The following PINLYP variants were observed in gnomAD, a reference collection of about 807,000 sequenced individuals.
The protein encoded by PINLYP is phospholipase A2 inhibitor and Ly6/PLAUR domain-containing protein.
Under a neutral mutation model 15.8 loss-of-function variants are expected in PINLYP, and 12 were observed. The observed-to-expected ratio is 0.76, with a 90% confidence interval of 0.49 to 1.23. The LOEUF (loss-of-function observed/expected upper bound fraction) is 1.23, where lower values mean the gene tolerates loss of function less well. Ranked by LOEUF, PINLYP falls within the 50% of genes most tolerant of loss-of-function variation. The probability of loss-of-function intolerance (pLI) is 0.00; values close to 1 mark genes in which losing one functional copy is unlikely to be tolerated. For synonymous variants in PINLYP, 93 were observed against 97.7 expected, an observed-to-expected ratio of 0.95 and a Z score of 0.28; for missense variants, 278 against 264.2, an observed-to-expected ratio of 1.05 and a Z score of -0.36.
chr19:43,581,544 A>C lies in PINLYP; in HGVS notation c.341-19A>C. On this transcript the variant is annotated intron_variant, in intron 4 of 5. Coordinates refer to ENST00000599207, the Ensembl canonical transcript of PINLYP. ...GCTTAAACATCCCTATTCACCTTACACTTCATCCTCATCCTCAGTTCCCTT... is the reference window on the plus strand; with the variant it reads ...GCTTAAACATCCCTATTCACCTTACCCTTCATCCTCATCCTCAGTTCCCTT... The C allele has an allele frequency of 2.0e-6, 3 of 1,531,394 alleles. No homozygotes were observed. Among genetic ancestry groups the C allele is most frequent in the Non-Finnish European group, 2.6e-6 (3 of 1,144,354 alleles). 94.9% of individuals were successfully genotyped at this position (1,531,394 alleles called of 1,614,324 possible). A position where few individuals can be genotyped will look rare whatever the true frequency, so the allele number is the denominator to read the frequency against.
intron 3 of PINLYP, chr19:43,580,741 C>T: frequency 1.1e-6 from 1 of 946,936 alleles, no homozygotes; most frequent in Non-Finnish European, 1.3e-6. Context: ...GGAGGGCTAC[C>T]TAAGAAAGCA....
At chr19:43,579,436 G>A (rs1011670265) in intron 3 of PINLYP, among the ~76,000 whole-genome samples, 4 of 151,342 alleles carry the variant, frequency 2.6e-5, no homozygotes, top group African/African-American at 7.3e-5. Context: ...TAGTAGAGAC[G>A]GGGTTTCGCC....
At chr19:43,578,702 T>A (rs1466118549) in exon 3 of PINLYP, 13 of 1,535,172 alleles carry the variant, frequency 8.5e-6, no homozygotes, top group Non-Finnish European at 1.1e-5. Flanking sequence ...GGAAGGCTAC[T>A]TCAAGTAAGA....
In PINLYP at chr19:43,581,673, TGC is replaced by T; in HGVS notation, c.453_454del (p.Val152LeufsTer33). ...CCACTGTACTGGAAAGGAAAACCAC[TGC>T]GTCTCCTTATCTGGACACGTGCAGG... is the stretch of plus-strand genomic sequence containing the variant. On this transcript the variant is annotated frameshift_variant, in exon 5 of 6. Coordinates refer to ENST00000599207, the Ensembl canonical transcript of PINLYP. LOFTEE classifies it low-confidence loss of function (END_TRUNC). 2 of 1,536,410 alleles carry T rather than the reference TGC, an allele frequency of 1.3e-6. No individual in the cohort carries two copies. Among genetic ancestry groups the T allele is most frequent in the Non-Finnish European group, 1.7e-6 (2 of 1,146,970 alleles).
intron 2 of PINLYP, 82 bp downstream of exon 2, chr19:43,577,343 G>C (rs1014649083): frequency 4.8e-5 from 67 of 1,384,554 alleles, no homozygotes; most frequent in Non-Finnish European, 6.0e-5. Context: ...GATATAGAGA[G>C]AGAAAGAGCC....
At chr19:43,581,335 G>A in exon 4 of PINLYP, 2 of 1,536,836 alleles carry the variant, frequency 1.3e-6, no homozygotes, top group Non-Finnish European at 1.7e-6. Context: ...TGCTGCCAGA[G>A]CGACGGCTGC....
Position 43,577,015 on chromosome 19 carries a change from C to A in PINLYP, c.-78+96C>A. The A allele has an allele frequency of 3.3e-6, 4 of 1,218,178 alleles. No individual in the cohort carries two copies. In the South Asian group the frequency reaches 6.2e-5, roughly 19 times the overall value. The allele number at this position is 1,218,178 out of a possible 1,614,324, so 75.5% of individuals were successfully genotyped here. A position where few individuals can be genotyped will look rare whatever the true frequency, so the allele number is the denominator to read the frequency against. ...CTCCATGGAGGTGGGGGGCTGGGCA[C>A]AAGATGCCCAGGTCACTTTTGGATT... On this transcript the variant is annotated intron_variant, in intron 1 of 5. Transcript: ENST00000599207.
At chr19:43,580,968 T>C in intron 3 of PINLYP, 1 of 447,174 alleles carries the variant, frequency 2.2e-6, no homozygotes, top group Non-Finnish European at 3.8e-6. Flanking sequence ...CCGGGCATGG[T>C]GGCGGTCGCC....
At chr19:43,576,208 T>G (rs1398970417) in exon 1 of PINLYP, among the ~76,000 whole-genome samples, 6 of 152,166 alleles carry the variant, frequency 3.9e-5, no homozygotes, top group Non-Finnish European at 7.4e-5. Flanking sequence ...CGTGAGCGAC[T>G]GCGCTGGGCT....
intron 2 of PINLYP, among the ~76,000 whole-genome samples, chr19:43,577,759 A>G (rs537551713): frequency 2.6e-5 from 4 of 151,920 alleles, no homozygotes; most frequent in Non-Finnish European, 4.4e-5. Flanking sequence ...AAAAAAAGTT[A>G]GCTGAGCTTG....
Position 43,577,153 on chromosome 19 carries a change from TA to T in PINLYP, c.-38del, listed in dbSNP as rs1229055528. 2.0e-6 allele frequency: 3 copies of T among 1,535,936 alleles called. No homozygotes were observed. The Admixed American group carries it at 5.9e-5, about 30-fold the overall frequency. On this transcript the variant is annotated 5_prime_UTR_variant, in exon 2 of 6. The change creates a premature stop within an existing upstream ORF in the 5' untranslated region. Coordinates refer to ENST00000599207, the Ensembl canonical transcript of PINLYP. ...CCAGACCCACCCCTCCTCAGCTTCC[TA>T]TAAAAGCTGGGGACCAGGTACTGCT...
intron 2 of PINLYP, among the ~76,000 whole-genome samples, chr19:43,578,034 C>A (rs1157255859): frequency 6.6e-6 from 1 of 152,140 alleles, no homozygotes; most frequent in Non-Finnish European, 1.5e-5. Context: ...CCAAGTAAGC[C>A]TCACTTTCCC....
chr19:43,576,872 C>A (rs557074271), exon 1 of PINLYP: 1 of 340,734 alleles, frequency 2.9e-6, no homozygotes, highest in Non-Finnish European at 5.4e-6. Context: ...GGCCCAACTC[C>A]GTCTTGGTCT....
chr19:43,581,780 T>TTCC (rs1488626633), intron 5 of PINLYP, 77 bp downstream of exon 5: 1 of 1,532,410 alleles, frequency 6.5e-7, no homozygotes, highest in Non-Finnish European at 8.7e-7. Context: ...GAGGAGAGGG[T>TTCC]TCCAGAGAAG....
chr19:43,580,970 G>A, intron 3 of PINLYP: 1 of 450,980 alleles, frequency 2.2e-6, no homozygotes. Context: ...GGGCATGGTG[G>A]CGGTCGCCTG....
At chr19:43,580,819 C>T (rs1266903923) in intron 3 of PINLYP, 2 of 583,372 alleles carry the variant, frequency 3.4e-6, no homozygotes, top group East Asian at 1.3e-4. Context: ...CCGCCCCGGC[C>T]GGGCTGGCGC....
At chr19:43,579,027 G>T in intron 3 of PINLYP, 1 of 298,166 alleles carries the variant, frequency 3.4e-6, no homozygotes, top group Non-Finnish European at 6.6e-6. Flanking sequence ...GAGAAATAGT[G>T]AGAGGGGAAG....
exon 6 of PINLYP, chr19:43,582,017 G>C (rs1401065213): frequency 2.6e-6 from 4 of 1,535,658 alleles, no homozygotes; most frequent in Non-Finnish European, 2.6e-6. Context: ...TATCTGAACA[G>C]AGGAAGATAA....
intron 3 of PINLYP, 100 bp from the exon 4 acceptor site, chr19:43,581,112 G>C (rs1262202637): frequency 4.0e-6 from 5 of 1,253,796 alleles, no homozygotes; most frequent in Non-Finnish European, 5.4e-6. Flanking sequence ...CCAGGAAGTT[G>C]TGGGGTTGGG....
Sources: allele counts gnomAD v4.1 joint callset (sites outside exome capture counted in the v4.1 genomes callset), GRCh38; gene constraint gnomAD v4.1.1; transcripts MANE v1.5; gene names NCBI Gene and HGNC (gene_info 2026-07-23, HGNC 2026-07-21).